The following HCN1 variants were observed in gnomAD, a reference collection of about 807,000 sequenced individuals.
HCN1 encodes the protein hyperpolarization activated cyclic nucleotide gated potassium channel 1.
HCN1 carries 13 observed loss-of-function variants against 78.9 expected under a neutral mutation model. The observed-to-expected ratio is 0.16, with a 90% CI of 0.11 to 0.26. The LOEUF (loss-of-function observed/expected upper bound fraction) is 0.26, where lower values mean the gene tolerates loss of function less well. Among genes scored for constraint, HCN1 ranks in the 10% least tolerant of loss-of-function variants. HCN1 has a pLI of 1.00. For synonymous variants in HCN1, 552 were observed against 455.5 expected (o/e 1.21, Z -2.70); for missense variants, 810 against 1,154.3 (o/e 0.70, Z 4.32).
rs538624801 is a variant in HCN1 at position 45,493,734 on chromosome 5, A to G, written c.850-31727T>C. On this transcript the variant is annotated intron_variant, in intron 2 of 7. Coordinates refer to ENST00000303230, the MANE Select transcript of HCN1 (RefSeq NM_021072.4). ...CATCTAGCATTAGGTATATCCCCCA[A>G]TGCTATCCCTCCCACCTCCCCCCAC... Among the ~76,000 whole-genome samples, 1,433 of 150,928 alleles carry G rather than the reference A, an allele frequency of 9.5e-3. 22 individuals carry two copies. The highest frequency in any genetic ancestry group is 0.015 in the Non-Finnish European group (994 of 67,746).
intron 2 of HCN1, among the ~76,000 whole-genome samples, chr5:45,548,263 C>T (rs1345669269): frequency 2.0e-5 from 3 of 151,328 alleles, no homozygotes; most frequent in Non-Finnish European, 4.4e-5. Flanking sequence ...TTCACCAAGA[C>T]TACAATCAAT....
intron 2 of HCN1, among the ~76,000 whole-genome samples, chr5:45,581,098 T>C (rs903118782): frequency 1.3e-5 from 2 of 152,322 alleles, no homozygotes; most frequent in East Asian, 1.9e-4. Context: ...TTCTAGATCC[T>C]TGAGCAATCG....
chr5:45,378,431 C>T (rs985517303), intron 4 of HCN1, among the ~76,000 whole-genome samples: 7 of 151,970 alleles, frequency 4.6e-5, no homozygotes, highest in Admixed American at 1.3e-4. Context: ...CTGGAGTAAC[C>T]GTATATGTTC....
rs760671797 is a variant in HCN1 at position 45,260,110 on chromosome 5, A to T, written c.*1811T>A. The T allele has an allele frequency of 2.6e-5, 4 of 152,350 alleles. No individual in the cohort carries two copies. The highest frequency in any genetic ancestry group is 6.5e-5 in the Admixed American group (1 of 15,292). 9.4% of individuals were successfully genotyped at this position (152,350 alleles called of 1,614,324 possible). ...ACAAAAGGCATAACAGGCAGCAAGG[A>T]TCCACTTTAGAGTTTCTGCTTTTGT... On this transcript the variant is annotated 3_prime_UTR_variant, in exon 8 of 8. Coordinates refer to ENST00000303230, the MANE Select transcript of HCN1 (RefSeq NM_021072.4).
At chr5:45,480,113 A>G (rs1352928563) in intron 2 of HCN1, 1 of 152,714 alleles carries the variant, frequency 6.5e-6, no homozygotes, top group Admixed American at 6.5e-5. Context: ...ATTTGCATAT[A>G]CTCAAATATA....
chr5:45,596,977 G>C (rs184765282), intron 2 of HCN1, among the ~76,000 whole-genome samples: 1 of 151,746 alleles, frequency 6.6e-6, no homozygotes, highest in African/African-American at 2.4e-5. Flanking sequence ...AAAAGATAAC[G>C]TTACCTCTTA....
At chr5:45,580,416 G>A (rs1040013878) in intron 2 of HCN1, among the ~76,000 whole-genome samples, 2 of 151,996 alleles carry the variant, frequency 1.3e-5, no homozygotes, top group African/African-American at 4.8e-5. Flanking sequence ...AAAAGGCAAT[G>A]AAACAACTCC....
rs1450722846 is a variant in HCN1 at position 45,373,317 on chromosome 5, AATAT to A, written c.1231-20075_1231-20072del. ...TATATATTTTATATACTATATATAA[AATAT>A]ATATTTCATATATTTAATATATAAA... is the stretch of plus-strand genomic sequence containing the variant. On this transcript the variant is annotated intron_variant, in intron 4 of 7. Transcript: ENST00000303230. 2.6e-5 allele frequency among the ~76,000 whole-genome samples: 3 copies of A among 114,520 alleles called. No individual in the cohort carries two copies. The East Asian group carries it at 7.0e-4, about 27-fold the overall frequency. 75.1% of individuals were successfully genotyped at this position (114,520 alleles called of 152,430 possible).
At chr5:45,617,844 T>C (rs528239528) in intron 2 of HCN1, among the ~76,000 whole-genome samples, 7 of 132,032 alleles carry the variant, frequency 5.3e-5, no homozygotes, top group Admixed American at 7.6e-5. Flanking sequence ...TCTAGGAATA[T>C]AAATTAATTT....
chr5:45,629,053 G>T (rs1008255535), intron 2 of HCN1, among the ~76,000 whole-genome samples: 3 of 150,264 alleles, frequency 2.0e-5, no homozygotes, highest in East Asian at 3.9e-4. Flanking sequence ...AAGTACAGTG[G>T]CAATATTAAT....
intron 4 of HCN1, among the ~76,000 whole-genome samples, chr5:45,355,362 A>T (rs945444170): frequency 6.6e-6 from 1 of 152,002 alleles, no homozygotes; most frequent in East Asian, 1.9e-4. Flanking sequence ...AGCACTTGGG[A>T]ATTCTTTATA....
chr5:45,530,594 C>T (rs1017829602), intron 2 of HCN1, among the ~76,000 whole-genome samples: 3 of 151,724 alleles, frequency 2.0e-5, no homozygotes, highest in Non-Finnish European at 4.4e-5. Flanking sequence ...AAAATTTTAG[C>T]CAATGAACCT....
chr5:45,325,041 A>G lies in HCN1; in HGVS notation c.1378-21202T>C, dbSNP rs541969199. Among the ~76,000 whole-genome samples, 3 of 151,782 alleles carry G rather than the reference A, an allele frequency of 2.0e-5. No homozygotes were observed. In the South Asian group the frequency reaches 6.2e-4, roughly 31 times the overall value. On this transcript the variant is annotated intron_variant, in intron 5 of 7. Coordinates refer to ENST00000303230, the MANE Select transcript of HCN1 (RefSeq NM_021072.4). The stretch of plus-strand genomic sequence containing the variant: ...CAGGTGGGAAGAAGTTTGTAGGTAC[A>G]ATGTAGGACCAATCTGGAGCAGGAA...
At chr5:45,578,510 A>C (rs574228275) in intron 2 of HCN1, among the ~76,000 whole-genome samples, 113 of 151,958 alleles carry the variant, frequency 7.4e-4, no homozygotes, top group Admixed American at 2.2e-3. Context: ...ATTAGATAAG[A>C]GTGGGAGGTG....
In HCN1 at chr5:45,373,768, C is replaced by G. The variant is rs1312767662; in HGVS notation, c.1231-20522G>C. On this transcript the variant is annotated intron_variant, in intron 4 of 7. Coordinates refer to ENST00000303230, the MANE Select transcript of HCN1 (RefSeq NM_021072.4). Reference sequence around the variant, plus strand: ...ATATTACATACGGTATATACGTCATCTATAATATATTACATACGGTATATA... The same window carrying G: ...ATATTACATACGGTATATACGTCATGTATAATATATTACATACGGTATATA... 1.7e-4 allele frequency among the ~76,000 whole-genome samples: 19 copies of G among 114,722 alleles called. 1 individual carries two copies. Among genetic ancestry groups the G allele is most frequent in the Admixed American group, 1.5e-3 (13 of 8,944 alleles). The allele number at this position is 114,722 out of a possible 152,430, so 75.3% of individuals were successfully genotyped here. A position where few individuals can be genotyped will look rare whatever the true frequency, so the allele number is the denominator to read the frequency against.
chr5:45,656,638 C>T (rs973095415), intron 1 of HCN1, among the ~76,000 whole-genome samples: 34 of 152,114 alleles, frequency 2.2e-4, no homozygotes, highest in Non-Finnish European at 4.4e-4. Context: ...AAATCCAAGG[C>T]TATCCCAAGA....
intron 2 of HCN1, among the ~76,000 whole-genome samples, chr5:45,568,679 C>T (rs950604318): frequency 2.6e-5 from 4 of 151,890 alleles, no homozygotes; most frequent in African/African-American, 4.8e-5. Context: ...AATTAACACT[C>T]GTTATATTTT....
chr5:45,521,641 C>A (rs2111779606), intron 2 of HCN1, among the ~76,000 whole-genome samples: 1 of 151,996 alleles, frequency 6.6e-6, no homozygotes, highest in South Asian at 2.1e-4. Flanking sequence ...AACCTGATTA[C>A]CTCTGTTATG....
chr5:45,365,141 TC>T (rs1256140541), intron 4 of HCN1, among the ~76,000 whole-genome samples: 5 of 152,080 alleles, frequency 3.3e-5, no homozygotes, highest in African/African-American at 4.8e-5. Context: ...GCCATTTTTT[TC>T]ATACGATCAA....
Sources: gnomAD v4.1 joint callset for allele counts (sites outside exome capture counted in the v4.1 genomes callset) on GRCh38, gnomAD v4.1.1 for gene constraint, MANE v1.5 for transcripts, NCBI Gene and HGNC (gene_info 2026-07-23, HGNC 2026-07-21) for gene names.